NMT2: variants seen among roughly 807,000 people sequenced by gnomAD.
The protein encoded by NMT2 is N-myristoyltransferase 2.
A neutral mutation model predicts 65.4 loss-of-function variants in NMT2; 35 were observed. The ratio of observed to expected loss-of-function variants is 0.54; its 90% CI spans 0.41 to 0.71. The LOEUF (loss-of-function observed/expected upper bound fraction) is 0.71, where lower values mean the gene tolerates loss of function less well. NMT2 is among the 30% of genes least tolerant of loss of function. The pLI, the probability that NMT2 is intolerant of heterozygous loss-of-function variation, is 0.00. For missense variants in NMT2, 489 were observed against 611.3 expected (o/e 0.80, Z 2.11); for synonymous variants, 226 against 231.8 (o/e 0.98, Z 0.23).
At chr10:15,153,653 A>T (rs1031230130) in intron 1 of NMT2, among the ~76,000 whole-genome samples, 14 of 151,240 alleles carry the variant, frequency 9.3e-5, no homozygotes, top group African/African-American at 3.2e-4. Context: ...ATTTTATTTT[A>T]TTTTATTTTT....
chr10:15,154,063 G>T (rs1832904945), intron 1 of NMT2, among the ~76,000 whole-genome samples: 1 of 152,226 alleles, frequency 6.6e-6, no homozygotes, highest in Non-Finnish European at 1.5e-5. Context: ...AAAGGTCTCT[G>T]CATCCCTCAG....
In NMT2 at chr10:15,135,360, G is replaced by GAT; in HGVS notation, c.303_304dup (p.Ser102TyrfsTer30). ...GTTCCTGGCTGGGCCCTGGCATGCG[G>GAT]ATAGCAGCTCCATTGCTCTCTGGAT... On this transcript the variant is annotated frameshift_variant, in exon 3 of 12. Coordinates refer to ENST00000378165, the MANE Select transcript of NMT2 (RefSeq NM_004808.3). LOFTEE classifies it high-confidence loss of function. The GAT allele has an allele frequency of 6.2e-7, 1 of 1,614,168 alleles. No homozygotes were observed. Among genetic ancestry groups the GAT allele is most frequent in the Non-Finnish European group, 8.5e-7 (1 of 1,180,018 alleles).
Position 15,141,531 on chromosome 10 carries a change from T to C in NMT2, c.137A>G (p.Lys46Arg). ...TCTCTTCTGTTTCTTCTTTTTCTTT[T>C]TGGCTCCCAAATACCCTCCAGGACT... ...KGSPGGYLGA[K>R]KKKKKQKRKK... The change falls in exon 2 of 12, where the codon AAA (lysine) becomes AGA (arginine). Residue 46 changes from lysine (K) to arginine (R), a missense_variant. Coordinates refer to ENST00000378165, the MANE Select transcript of NMT2 (RefSeq NM_004808.3). 6.2e-7 allele frequency: 1 copy of C among 1,613,848 alleles called. No individual in the cohort carries two copies. Among genetic ancestry groups the C allele is most frequent in the Non-Finnish European group, 8.5e-7 (1 of 1,179,870 alleles).
intron 8 of NMT2, among the ~76,000 whole-genome samples, chr10:15,127,897 C>T (rs74979277): frequency 1.1e-4 from 11 of 103,562 alleles, no homozygotes. Context: ...AAGACTGTCT[C>T]CAAAAAAAAA....
intron 3 of NMT2, 145 bp from the exon 4 acceptor site, chr10:15,133,508 T>G (rs567970953): frequency 1.2e-5 from 8 of 648,838 alleles, no homozygotes; most frequent in Non-Finnish European, 1.9e-5. Context: ...AAAAAGATGC[T>G]GTTATATCAA....
intron 1 of NMT2, among the ~76,000 whole-genome samples, chr10:15,146,007 C>T (rs576601269): frequency 3.9e-5 from 6 of 152,326 alleles, no homozygotes; most frequent in African/African-American, 1.4e-4. Flanking sequence ...TTCAGACTCC[C>T]AGTACTCAAG....
At chr10:15,166,574 A>C (rs1182998628) in intron 1 of NMT2, among the ~76,000 whole-genome samples, 1 of 152,232 alleles carries the variant, frequency 6.6e-6, no homozygotes, top group Non-Finnish European at 1.5e-5. Flanking sequence ...GAGAGCAGTC[A>C]TTTGGAGTTT....
At chr10:15,155,107 T>A (rs755823304) in intron 1 of NMT2, 19 of 1,449,492 alleles carry the variant, frequency 1.3e-5, no homozygotes, top group Non-Finnish European at 1.7e-5. Context: ...TTGCCACCAG[T>A]GCCATTATGG....
At chr10:15,161,075 A>T (rs1833172401) in intron 1 of NMT2, among the ~76,000 whole-genome samples, 1 of 135,508 alleles carries the variant, frequency 7.4e-6, no homozygotes, top group African/African-American at 2.8e-5. Context: ...ACTCTGCCTC[A>T]AAAATCAAAA....
At chr10:15,144,166 C>T (rs2131585038) in intron 1 of NMT2, among the ~76,000 whole-genome samples, 1 of 152,240 alleles carries the variant, frequency 6.6e-6, no homozygotes, top group East Asian at 1.9e-4. Context: ...TTTGTTTACT[C>T]TAGTTCAGCA....
Position 15,107,675 on chromosome 10 carries a change from G to T in NMT2, c.*1520C>A, listed in dbSNP as rs751521104. On this transcript the variant is annotated 3_prime_UTR_variant, in exon 12 of 12. Transcript: ENST00000378165. ...TCACCATGTTGGCCAGGCTGGTCTC[G>T]AACCCCTGACCTCAAATGTTTCGCC... 5.6e-6 allele frequency: 4 copies of T among 713,552 alleles called. No homozygotes were observed. Among genetic ancestry groups the T allele is most frequent in the African/African-American group, 2.0e-5 (1 of 51,248 alleles). The allele number at this position is 713,552 out of a possible 1,614,324, so 44.2% of individuals were successfully genotyped here. A position where few individuals can be genotyped will look rare whatever the true frequency, so the allele number is the denominator to read the frequency against.
chr10:15,162,763 T>TATA (rs1354156535), intron 1 of NMT2, among the ~76,000 whole-genome samples: 3 of 148,456 alleles, frequency 2.0e-5, no homozygotes, highest in Non-Finnish European at 4.5e-5. Context: ...TATATATATT[T>TATA]TATTTATATA....
chr10:15,168,544 C>A lies in NMT2; in HGVS notation c.69G>T (p.Gly23=). 1 of 1,594,880 alleles carries A rather than the reference C, an allele frequency of 6.3e-7. No homozygotes were observed. Among genetic ancestry groups the A allele is most frequent in the Non-Finnish European group, 8.5e-7 (1 of 1,172,906 alleles). ...TCTCCTCCTCATTGTCCCCGTCTAT[C>A]CCGCACGTGTCCTGGTCGTCCAGTT... is the stretch of plus-strand genomic sequence containing the variant. ...SLELDDQDTC[G]IDGDNEEETE... is the part of the protein sequence containing the mutation. The change falls in exon 1 of 12, where the codon GGG becomes GGT. Residue 23 remains glycine (G), a synonymous_variant. Transcript: ENST00000378165.
At chr10:15,152,311 A>G (rs190177431) in intron 1 of NMT2, among the ~76,000 whole-genome samples, 1 of 152,348 alleles carries the variant, frequency 6.6e-6, no homozygotes, top group East Asian at 1.9e-4. Context: ...GTCATGGTCC[A>G]CTCTGGGATG....
At chr10:15,149,809 G>A (rs1267815399) in intron 1 of NMT2, among the ~76,000 whole-genome samples, 6 of 150,632 alleles carry the variant, frequency 4.0e-5, no homozygotes, top group Admixed American at 3.3e-4. Context: ...GGTTAATAAT[G>A]GCAGAATCAG....
At chr10:15,125,940 C>T (rs1210158707) in intron 8 of NMT2, among the ~76,000 whole-genome samples, 1 of 151,038 alleles carries the variant, frequency 6.6e-6, no homozygotes, top group African/African-American at 2.4e-5. Context: ...GCTGGGATTA[C>T]AGGTGTGAGC....
Position 15,155,330 on chromosome 10 carries a change from T to C in NMT2, c.110+13173A>G, listed in dbSNP as rs777044408. The C allele has an allele frequency of 9.8e-5, 109 of 1,115,716 alleles. 1 individual carries two copies. The highest frequency in any genetic ancestry group is 1.5e-4 in the Non-Finnish European group (107 of 736,990). 69.1% of individuals were successfully genotyped at this position (1,115,716 alleles called of 1,614,324 possible). On this transcript the variant is annotated intron_variant, in intron 1 of 11. Coordinates refer to ENST00000378165, the MANE Select transcript of NMT2 (RefSeq NM_004808.3). The stretch of plus-strand genomic sequence containing the variant: ...TGGTGGGGTTGACCATGGCTGGTAG[T>C]ACAGGGCTCCTGGTGGCGGTGGCGT...
At chr10:15,166,415 T>G (rs992618608) in intron 1 of NMT2, among the ~76,000 whole-genome samples, 1 of 152,226 alleles carries the variant, frequency 6.6e-6, no homozygotes, top group African/African-American at 2.4e-5. Context: ...AAAGAGTCTT[T>G]CAAATTTTAA....
chr10:15,141,259 A>C, intron 2 of NMT2, 163 bp downstream of exon 2: 1 of 970,616 alleles, frequency 1.0e-6, no homozygotes, highest in Admixed American at 2.5e-5. Context: ...TGGGTGCCAA[A>C]GTCCATTTTA....
Sources: allele counts gnomAD v4.1 joint callset (sites outside exome capture counted in the v4.1 genomes callset), GRCh38; gene constraint gnomAD v4.1.1; transcripts MANE v1.5; gene names NCBI Gene and HGNC (gene_info 2026-07-23, HGNC 2026-07-21).